HEXB: variants seen among roughly 807,000 people sequenced by gnomAD.
HEXB encodes beta-hexosaminidase subunit beta.
Under a neutral mutation model 71.2 loss-of-function variants are expected in HEXB, and 51 were observed. That is an observed-to-expected ratio of 0.72 (90% CI 0.57 to 0.90). The LOEUF (loss-of-function observed/expected upper bound fraction) is 0.90. HEXB is among the 40% of genes least tolerant of loss of function. The pLI is 0.00. For synonymous variants in HEXB, 266 were observed against 249.3 expected, an observed-to-expected ratio of 1.07 and a Z score of -0.63; for missense variants, 617 against 677.0, an observed-to-expected ratio of 0.91 and a Z score of 0.98.
In HEXB at chr5:74,715,529, T is replaced by G; in HGVS notation, c.921T>G (p.Thr307=). 6.2e-7 allele frequency: 1 copy of G among 1,611,242 alleles called. No homozygotes were observed. The highest frequency in any genetic ancestry group is 1.1e-5 in the South Asian group (1 of 91,002). The stretch of plus-strand genomic sequence containing the variant: ...TTCTAGGTCAGAAAGACCTCCTGAC[T>G]CCATGTTACAGTAGACAAAACAAGT... ...SWGKGQKDLL[T]PCYSRQNKLD... is the part of the protein sequence containing the mutation. Residue 307 remains threonine, a synonymous_variant, in exon 8 of 14, where the codon ACT becomes ACG. Transcript: ENST00000261416.
intron 5 of HEXB, among the ~76,000 whole-genome samples, chr5:74,699,399 C>T (rs182949068): frequency 9.4e-4 from 142 of 151,836 alleles, no homozygotes; most frequent in African/African-American, 3.3e-3. Flanking sequence ...CTCTGTCTCT[C>T]GAGTAGCTGG....
At position 74,693,653 on chromosome 5, in the gene HEXB, A is replaced by G. The variant is rs1403780438; in HGVS notation, c.460A>G (p.Lys154Glu). 1 of 1,612,120 alleles carries G rather than the reference A, an allele frequency of 6.2e-7. No individual in the cohort carries two copies. Among genetic ancestry groups the G allele is most frequent in the Non-Finnish European group, 8.5e-7 (1 of 1,178,056 alleles). ...SSDESYTLLV[K>E]EPVAVLKANR... ...CCTCAATACAGATACTTTACTTGTG[A>G]AAGAACCAGTGGCTGTCCTTAAGGC... Residue 154 changes from lysine (K) to glutamate (E), a missense_variant, in exon 3 of 14, where the codon AAA becomes GAA. By Grantham distance (56) the Lys-to-Glu change is moderately conservative. Coordinates refer to ENST00000261416, the MANE Select transcript of HEXB (RefSeq NM_000521.4).
At chr5:74,692,900 G>C (rs897398789) in intron 2 of HEXB, among the ~76,000 whole-genome samples, 4 of 152,148 alleles carry the variant, frequency 2.6e-5, no homozygotes, top group Non-Finnish European at 5.9e-5. Flanking sequence ...ATGACTATTG[G>C]GCCAACCTTA....
intron 5 of HEXB, among the ~76,000 whole-genome samples, chr5:74,701,188 G>A (rs1331780354): frequency 6.6e-6 from 1 of 151,930 alleles, no homozygotes; most frequent in East Asian, 1.9e-4. Flanking sequence ...CCAGCCACAA[G>A]TTCTTTAAAG....
chr5:74,653,501 C>T (rs930596726), intron 1 of HEXB, among the ~76,000 whole-genome samples: 7 of 152,186 alleles, frequency 4.6e-5, no homozygotes, highest in African/African-American at 1.7e-4. Flanking sequence ...GCCAACCTTC[C>T]AGGCCATGGT....
intron 1 of HEXB, among the ~76,000 whole-genome samples, chr5:74,662,587 T>G: frequency 6.6e-6 from 1 of 152,222 alleles, no homozygotes; most frequent in East Asian, 1.9e-4. Context: ...ATAGATGTTT[T>G]AAGGTGCTGT....
chr5:74,718,839 T>G lies in HEXB; in HGVS notation c.1285T>G (p.Tyr429Asp), dbSNP rs1469927575. The change falls in exon 11 of 14, where the codon TAT becomes GAT. Residue 429 changes from tyrosine (Y) to aspartate (D), a missense_variant. Transcript: ENST00000261416. ...AGTTGAAGTATGGAAAGACAGCGCATATCCTGAGGAACTCAGTAGAGTCAC... is the reference window on the plus strand; with the variant it reads ...AGTTGAAGTATGGAAAGACAGCGCAGATCCTGAGGAACTCAGTAGAGTCAC... ...TIVEVWKDSAYPEELSRVTAS... is the reference protein window; with the variant it reads ...TIVEVWKDSADPEELSRVTAS... 5 of 1,614,158 alleles carry G rather than the reference T, an allele frequency of 3.1e-6. No homozygotes were observed. In the East Asian group the frequency reaches 1.1e-4, roughly 36 times the overall value.
intron 1 of HEXB, among the ~76,000 whole-genome samples, chr5:74,651,367 A>G (rs56951927): frequency 0.14 from 21,858 of 152,260 alleles, 1,926 homozygotes; most frequent in African/African-American, 0.24. Context: ...GAATAAATTT[A>G]ATACGTTTAA....
At chr5:74,672,096 T>C (rs1409705559) in intron 1 of HEXB, among the ~76,000 whole-genome samples, 1 of 152,220 alleles carries the variant, frequency 6.6e-6, no homozygotes, top group Admixed American at 6.5e-5. Flanking sequence ...ATATATGTGA[T>C]GCTTGTTCTC....
At chr5:74,674,655 C>A (rs1748600265) in intron 1 of HEXB, among the ~76,000 whole-genome samples, 1 of 150,916 alleles carries the variant, frequency 6.6e-6, no homozygotes, top group African/African-American at 2.4e-5. Context: ...ATCTCAGATG[C>A]CATTTATTTA....
chr5:74,701,126 A>G (rs921396534), intron 5 of HEXB, among the ~76,000 whole-genome samples: 4 of 150,726 alleles, frequency 2.7e-5, no homozygotes, highest in Non-Finnish European at 4.4e-5. Flanking sequence ...CAGGCGATCC[A>G]CCTGCCTTGG....
In HEXB at chr5:74,715,649, A is replaced by G. The variant is rs755091383; in HGVS notation, c.1041A>G (p.Gln347=). The G allele has an allele frequency of 1.2e-5, 19 of 1,610,462 alleles. No individual in the cohort carries two copies. In the Admixed American group the frequency reaches 2.0e-4, roughly 17 times the overall value. Reference sequence around the variant, plus strand: ...AAATTAGTGAGGTGTTTCCAGATCAATTCATTCATTTGGGAGGAGATGAAG... The same window carrying G: ...AAATTAGTGAGGTGTTTCCAGATCAGTTCATTCATTTGGGAGGAGATGAAG... The part of the protein sequence containing the change: ...FKEISEVFPD[Q]FIHLGGDEVE... Residue 347 remains glutamine (Q), a synonymous_variant, in exon 8 of 14, where the codon CAA becomes CAG. Transcript: ENST00000261416.
intron 1 of HEXB, among the ~76,000 whole-genome samples, chr5:74,657,207 A>G (rs551474637): frequency 2.0e-5 from 3 of 151,914 alleles, no homozygotes; most frequent in Non-Finnish European, 2.9e-5. Flanking sequence ...AGTGGCTTCC[A>G]TCTCCTTTCC....
chr5:74,692,334 CAAAAAA>C (rs916578254), intron 2 of HEXB, among the ~76,000 whole-genome samples: 1 of 52,428 alleles, frequency 1.9e-5, no homozygotes, highest in South Asian at 6.9e-4. Context: ...CCTGTCTCTA[CAAAAAA>C]AAAAAAAAAA....
chr5:74,713,898 T>G, intron 7 of HEXB, among the ~76,000 whole-genome samples: 1 of 152,188 alleles, frequency 6.6e-6, no homozygotes, highest in East Asian at 1.9e-4. Flanking sequence ...TGGAGTGCAG[T>G]GGCATGATTT....
At chr5:74,666,318 C>T (rs1165684731) in intron 1 of HEXB, among the ~76,000 whole-genome samples, 1 of 151,872 alleles carries the variant, frequency 6.6e-6, no homozygotes, top group Non-Finnish European at 1.5e-5. Flanking sequence ...AAAATTGCCT[C>T]TTAGGCAAGC....
upstream of HEXB, among the ~76,000 whole-genome samples, chr5:74,681,310 C>G (rs1011278773): frequency 6.6e-6 from 1 of 152,072 alleles, no homozygotes; most frequent in South Asian, 2.1e-4. Context: ...GTGCTACTGA[C>G]GACCAGTGAG....
At chr5:74,680,360 A>G (rs1748716129), upstream of HEXB, among the ~76,000 whole-genome samples, 1 of 152,146 alleles carries the variant, frequency 6.6e-6, no homozygotes, top group East Asian at 1.9e-4. Flanking sequence ...ACACCTGTCC[A>G]CCACTGTATT....
Position 74,664,456 on chromosome 5 carries a change from G to C in HEXB, c.-377+23898G>C, listed in dbSNP as rs1181510268. 2.5e-4 allele frequency among the ~76,000 whole-genome samples: 27 copies of C among 106,848 alleles called. No individual in the cohort carries two copies. The Middle Eastern group carries it at 0.015, about 60-fold the overall frequency. The allele number at this position is 106,848 out of a possible 152,430, so 70.1% of individuals were successfully genotyped here. Reference sequence around the variant, plus strand: ...AAAAAAAAAAAAAAAAAAAAAAACAGAGAGAGAGAGAATACTGAATAGATG... The same window carrying C: ...AAAAAAAAAAAAAAAAAAAAAAACACAGAGAGAGAGAATACTGAATAGATG... On this transcript the variant is annotated intron_variant, in intron 1 of 13. Coordinates refer to the HEXB transcript ENST00000511181.
Sources: allele counts gnomAD v4.1 joint callset (sites outside exome capture counted in the v4.1 genomes callset), GRCh38; gene constraint gnomAD v4.1.1; transcripts MANE v1.5; gene names NCBI Gene and HGNC (gene_info 2026-07-23, HGNC 2026-07-21).